The following PARL variants were observed in gnomAD, a reference collection of about 807,000 sequenced individuals.
PARL encodes the protein presenilin associated rhomboid like, also known as presenilin-associated rhomboid-like protein, mitochondrial.
PARL carries 44 observed loss-of-function variants against 51.6 expected under a neutral mutation model. That is an observed-to-expected ratio of 0.85 (90% confidence interval 0.67 to 1.10). The LOEUF is 1.10. Among genes scored for constraint, PARL ranks in the 50% least tolerant of loss-of-function variants. The pLI is 0.00. For synonymous variants in PARL, 172 were observed against 164.0 expected (o/e 1.05, Z -0.37); for missense variants, 441 against 469.5 (o/e 0.94, Z 0.56).
At chr3:183,845,926 T>C (rs946820444) in intron 4 of PARL, among the ~76,000 whole-genome samples, 3 of 152,104 alleles carry the variant, frequency 2.0e-5, no homozygotes, top group Non-Finnish European at 4.4e-5. Flanking sequence ...AAAGATCGGA[T>C]TGCTATGATC....
At chr3:183,836,382 A>G (rs9832164) in intron 7 of PARL, among the ~76,000 whole-genome samples, 106,716 of 151,922 alleles carry the variant, frequency 0.7, 38,017 homozygotes, top group East Asian at 0.96. Context: ...TATTACATAC[A>G]CAGTTCCATC....
intron 4 of PARL, among the ~76,000 whole-genome samples, chr3:183,849,818 A>G (rs1730355913): frequency 6.6e-6 from 1 of 152,174 alleles, no homozygotes; most frequent in Admixed American, 6.5e-5. Flanking sequence ...GAAAAATAAA[A>G]ATAAAAACAA....
chr3:183,878,225 G>C (rs909719271), intron 1 of PARL, among the ~76,000 whole-genome samples: 2 of 152,070 alleles, frequency 1.3e-5, no homozygotes, highest in African/African-American at 4.8e-5. Context: ...AGTCTAGCGG[G>C]GGCTTCTACC....
chr3:183,868,098 G>A (rs377452368), intron 1 of PARL, 38 bp from the exon 2 acceptor site: 51 of 1,461,598 alleles, frequency 3.5e-5, no homozygotes, highest in African/African-American at 3.5e-4. Context: ...ACACAGTAGC[G>A]TCTTGCAAAT....
chr3:183,827,616 G>T (rs1185588967), downstream of PARL, among the ~76,000 whole-genome samples: 1 of 152,110 alleles, frequency 6.6e-6, no homozygotes, highest in East Asian at 1.9e-4. Flanking sequence ...CACAGGCACT[G>T]GGAAGGCTGA....
chr3:183,878,070 C>T (rs1000127779), intron 1 of PARL, among the ~76,000 whole-genome samples: 6 of 152,270 alleles, frequency 3.9e-5, no homozygotes, highest in South Asian at 2.1e-4. Flanking sequence ...GGATTACAGG[C>T]GTGAGCCACC....
rs866439115 is a variant in PARL at position 183,844,247 on chromosome 3, T to C, written c.591A>G (p.Thr197=). The C allele has an allele frequency of 3.7e-6, 6 of 1,601,008 alleles. No homozygotes were observed. The Middle Eastern group carries it at 1.2e-3, about 316-fold the overall frequency. The change falls in exon 5 of 10, where the codon ACA becomes ACG. Residue 197 remains threonine, a synonymous_variant. Coordinates refer to ENST00000317096, the MANE Select transcript of PARL (RefSeq NM_018622.7). ...SLQRTMIRYF[T]SNPASKVLCS... ...TAGACTTACTTGAGGCTGGATTCGA[T>C]GTGAAATATCTGATCATTGTCCGCT...
At chr3:183,865,814 T>C (rs1177659736) in intron 3 of PARL, among the ~76,000 whole-genome samples, 1 of 152,122 alleles carries the variant, frequency 6.6e-6, no homozygotes, top group Non-Finnish European at 1.5e-5. Context: ...CTGAGATCCT[T>C]AAACTTTAGT....
chr3:183,871,539 G>C (rs12637478), intron 1 of PARL, among the ~76,000 whole-genome samples: 10 of 148,126 alleles, frequency 6.8e-5, no homozygotes, highest in African/African-American at 9.8e-5. Flanking sequence ...AAAAGGCTTG[G>C]GGGGGAGGGG....
At chr3:183,836,577 C>T (rs1728620223) in intron 7 of PARL, among the ~76,000 whole-genome samples, 1 of 152,156 alleles carries the variant, frequency 6.6e-6, no homozygotes, top group Admixed American at 6.5e-5. Flanking sequence ...AGAAAACGCT[C>T]ACATTCATAC....
chr3:183,866,323 T>C (rs138164739), intron 3 of PARL, among the ~76,000 whole-genome samples: 1 of 152,328 alleles, frequency 6.6e-6, no homozygotes, highest in Non-Finnish European at 1.5e-5. Flanking sequence ...CATCTATTAA[T>C]CTGATGTTGC....
In PARL at chr3:183,830,501, A is replaced by G. The variant is rs561330536; in HGVS notation, c.1029-792T>C. Reference sequence around the variant, plus strand: ...AGAAGCTCCTGAGGGCACTGGGGGTAGAGAAAGGCTTCCTGGAGGATGTGG... The same window carrying G: ...AGAAGCTCCTGAGGGCACTGGGGGTGGAGAAAGGCTTCCTGGAGGATGTGG... On this transcript the variant is annotated intron_variant, in intron 9 of 9. Transcript: ENST00000317096. Among the ~76,000 whole-genome samples the G allele has an allele frequency of 1.3e-4, 20 of 152,292 alleles. No homozygotes were observed. The South Asian group carries it at 3.9e-3, about 30-fold the overall frequency.
downstream of PARL, among the ~76,000 whole-genome samples, chr3:183,828,291 G>A (rs1471255748): frequency 1.3e-5 from 2 of 152,242 alleles, no homozygotes. Flanking sequence ...GGGCTCTAGA[G>A]GGAATGTCCC....
rs768686330 is a variant in PARL, at chr3:183,840,542, A to T, written c.828+28T>A. ...TCAAAGTAAATTTAAAAATTAAATT[A>T]AAAAAAATTTACAATAGAAATACTT... is the stretch of plus-strand genomic sequence containing the variant. On this transcript the variant is annotated intron_variant, in intron 7 of 9. Transcript: ENST00000317096. The T allele has an allele frequency of 7.1e-5, 80 of 1,122,038 alleles. No homozygotes were observed. The South Asian group carries it at 7.3e-4, about 10-fold the overall frequency. The allele number at this position is 1,122,038 out of a possible 1,614,324, so 69.5% of individuals were successfully genotyped here. A position where few individuals can be genotyped will look rare whatever the true frequency, so the allele number is the denominator to read the frequency against.
Position 183,884,751 on chromosome 3 carries a change from G to T in PARL, c.96C>A (p.Val32=). 6.3e-7 allele frequency: 1 copy of T among 1,579,326 alleles called. No individual in the cohort carries two copies. The highest frequency in any genetic ancestry group is 1.1e-5 in the South Asian group (1 of 88,102). ...GGRSCEELTA[V]LTPPQLLGRR... ...GTCCGAGGAGCTGCGGCGGGGTTAG[G>T]ACCGCAGTGAGCTCCTCGCAGCTGC... The change falls in exon 1 of 10, where the codon GTC becomes GTA. Residue 32 remains valine (V), a synonymous_variant. Coordinates refer to ENST00000317096, the MANE Select transcript of PARL (RefSeq NM_018622.7).
chr3:183,867,871 A>G lies in PARL; in HGVS notation c.315T>C (p.Thr105=). ...TAGCAAAGTGAGCTCTTACCCCAAC[A>G]GTAAAAAATAAAGGTTTTATGAGAC... ...IRSLIKPLFF[T]VGFTGCAFGS... The change falls in exon 2 of 10, where the codon ACT becomes ACC. Residue 105 remains threonine, a synonymous_variant. Coordinates refer to ENST00000317096, the MANE Select transcript of PARL (RefSeq NM_018622.7). 6.2e-7 allele frequency: 1 copy of G among 1,609,972 alleles called. No individual in the cohort carries two copies. Among genetic ancestry groups the G allele is most frequent in the Non-Finnish European group, 8.5e-7 (1 of 1,177,132 alleles).
chr3:183,858,411 A>G (rs1001945127), intron 4 of PARL, among the ~76,000 whole-genome samples: 3 of 152,222 alleles, frequency 2.0e-5, no homozygotes, highest in African/African-American at 7.2e-5. Flanking sequence ...GGGGTCAAAG[A>G]CTGGAGAGTA....
chr3:183,832,837 T>TG (rs1482263976), intron 9 of PARL, among the ~76,000 whole-genome samples: 2 of 151,846 alleles, frequency 1.3e-5, no homozygotes, highest in Non-Finnish European at 2.9e-5. Flanking sequence ...TATGGTGTGG[T>TG]GGGGGTGGAA....
chr3:183,882,201 C>T (rs1464219042), intron 1 of PARL, among the ~76,000 whole-genome samples: 3 of 61,732 alleles, frequency 4.9e-5, no homozygotes, highest in African/African-American at 2.0e-4. Flanking sequence ...AAGACAATGT[C>T]TCTAAAAAAA....
Sources: gnomAD v4.1 joint callset for allele counts (sites outside exome capture counted in the v4.1 genomes callset) on GRCh38, gnomAD v4.1.1 for gene constraint, MANE v1.5 for transcripts, NCBI Gene and HGNC (gene_info 2026-07-23, HGNC 2026-07-21) for gene names.